The following EVL variants were observed in gnomAD, a reference collection of about 807,000 sequenced individuals.
The protein encoded by EVL is ena/VASP-like protein.
In EVL, 21 loss-of-function variants were observed where a neutral mutation model predicts 59.6. That is an observed-to-expected ratio of 0.35 (90% CI 0.25 to 0.51). The LOEUF is 0.51. Among genes scored for constraint, EVL ranks in the 20% least tolerant of loss-of-function variants. The probability of loss-of-function intolerance (pLI) is 0.97; values close to 1 mark genes in which losing one functional copy is unlikely to be tolerated. For missense variants in EVL, 462 were observed against 546.6 expected (o/e 0.85, Z 1.54); for synonymous variants, 198 against 203.5 (o/e 0.97, Z 0.23).
intron 1 of EVL, among the ~76,000 whole-genome samples, chr14:100,021,365 C>A (rs1415466397): frequency 6.6e-6 from 1 of 152,146 alleles, no homozygotes; most frequent in East Asian, 1.9e-4. Flanking sequence ...GGGTAGACCA[C>A]AAAGGGGAGG....
At chr14:100,067,442 T>C (rs143865543) in intron 1 of EVL, among the ~76,000 whole-genome samples, 35 of 152,348 alleles carry the variant, frequency 2.3e-4, no homozygotes, top group African/African-American at 6.5e-4. Flanking sequence ...TCACTGACGT[T>C]ATTTAGTTAT....
At chr14:100,116,980 C>G (rs1887387976) in intron 3 of EVL, among the ~76,000 whole-genome samples, 1 of 152,176 alleles carries the variant, frequency 6.6e-6, no homozygotes, top group Admixed American at 6.5e-5. Flanking sequence ...TCGTACAATC[C>G]AGAACCGTCC....
exon 1 of EVL, chr14:99,971,490 G>T (rs2060731032): frequency 6.6e-6 from 1 of 151,780 alleles, no homozygotes; most frequent in Non-Finnish European, 1.5e-5. Context: ...TGACCGCCGC[G>T]CGCGCTCATT....
chr14:99,985,221 T>C (rs2060832438), intron 1 of EVL, among the ~76,000 whole-genome samples: 1 of 152,008 alleles, frequency 6.6e-6, no homozygotes, highest in African/African-American at 2.4e-5. Flanking sequence ...TCAAGGAGTT[T>C]ATAGCCAAGA....
intron 1 of EVL, among the ~76,000 whole-genome samples, chr14:99,994,657 T>C (rs1043680614): frequency 1.3e-5 from 2 of 152,206 alleles, no homozygotes; most frequent in African/African-American, 4.8e-5. Flanking sequence ...GTTTTTAAAA[T>C]TCTATACTGT....
At chr14:100,141,674 C>A in intron 12 of EVL, 62 bp from the exon 13 acceptor site, 1 of 1,562,762 alleles carries the variant, frequency 6.4e-7, no homozygotes, top group Non-Finnish European at 8.8e-7. Flanking sequence ...CATGGCCCAG[C>A]CCAGGCCGGC....
At position 100,085,086 on chromosome 14, in the gene EVL, C is replaced by T. The variant is rs564548303; in HGVS notation, c.180+231C>T. On this transcript the variant is annotated intron_variant, in intron 2 of 13. Transcript: ENST00000392920. Reference sequence around the variant, plus strand: ...CCTATGTCATATGGAGACAGTAATCCGCACCCTGCCTATTTCACTGTGTTA... The same window carrying T: ...CCTATGTCATATGGAGACAGTAATCTGCACCCTGCCTATTTCACTGTGTTA... The T allele has an allele frequency of 1.7e-3, 735 of 436,814 alleles. 3 individuals are homozygous for T. The highest frequency in any genetic ancestry group is 1.5e-3 in the Non-Finnish European group (378 of 246,230). 27.1% of individuals were successfully genotyped at this position (436,814 alleles called of 1,614,324 possible).
intron 1 of EVL, chr14:99,977,084 T>C (rs1258525865): frequency 6.6e-6 from 1 of 152,254 alleles, no homozygotes; most frequent in Non-Finnish European, 1.5e-5. Flanking sequence ...TGGAGATTCA[T>C]GCTACCAGGT....
chr14:100,139,366 T>A (rs1328745180), intron 11 of EVL: 1 of 152,254 alleles, frequency 6.6e-6, no homozygotes, highest in Admixed American at 6.5e-5. Flanking sequence ...CCACCACCCC[T>A]CTGGTGCGTC....
chr14:100,120,646 G>C (rs1374457284), intron 3 of EVL, among the ~76,000 whole-genome samples: 6 of 152,196 alleles, frequency 3.9e-5, no homozygotes, highest in Admixed American at 1.3e-4. Flanking sequence ...AGGAAGCATG[G>C]TGGGGCCGGG....
At chr14:100,142,859 GA>G (rs1216342667) in intron 13 of EVL, among the ~76,000 whole-genome samples, 9 of 152,226 alleles carry the variant, frequency 5.9e-5, no homozygotes, top group Non-Finnish European at 1.3e-4. Flanking sequence ...AGCTGGGTCA[GA>G]AACCCAGGGC....
intron 1 of EVL, among the ~76,000 whole-genome samples, chr14:100,022,499 T>G (rs1444197309): frequency 6.6e-6 from 1 of 152,098 alleles, no homozygotes; most frequent in East Asian, 1.9e-4. Context: ...AGGCTGTTCT[T>G]GAACTCCTGA....
chr14:100,109,736 G>A lies in EVL; in HGVS notation c.358+12078G>A, dbSNP rs779049179. ...ATTGTCTCACACAGAAATCGCACCCGTCACCTTGGCCTACTTATCACCACC... is the reference window on the plus strand; with the variant it reads ...ATTGTCTCACACAGAAATCGCACCCATCACCTTGGCCTACTTATCACCACC... On this transcript the variant is annotated intron_variant, in intron 3 of 13. Coordinates refer to ENST00000392920, the MANE Select transcript of EVL (RefSeq NM_016337.3). The surrounding 1 kb of genome is among the most constrained non-coding windows in gnomAD (Gnocchi z 4.3). The A allele has an allele frequency of 9.5e-6, 5 of 528,214 alleles. No homozygotes were observed. The highest frequency in any genetic ancestry group is 3.9e-5 in the African/African-American group (2 of 51,916). The allele number at this position is 528,214 out of a possible 1,614,324, so 32.7% of individuals were successfully genotyped here. A position where few individuals can be genotyped will look rare whatever the true frequency, so the allele number is the denominator to read the frequency against.
rs935007229 is a variant in EVL at position 100,143,748 on chromosome 14, C to G, written c.*10C>G. 3.7e-6 allele frequency: 6 copies of G among 1,611,876 alleles called. No individual in the cohort carries two copies. Among genetic ancestry groups the G allele is most frequent in the Non-Finnish European group, 5.1e-6 (6 of 1,179,524 alleles). On this transcript the variant is annotated 3_prime_UTR_variant, in exon 14 of 14. Coordinates refer to ENST00000392920, the MANE Select transcript of EVL (RefSeq NM_016337.3). ...GATCAGCACCACGTAAGGGGCCGGC[C>G]TCGCTGCGCTGATTCGTCGAGCCCA...
At chr14:100,101,866 T>A (rs1334747058) in intron 3 of EVL, among the ~76,000 whole-genome samples, 1 of 152,036 alleles carries the variant, frequency 6.6e-6, no homozygotes, top group Non-Finnish European at 1.5e-5. Context: ...GAGGATGGAG[T>A]CTCGCTCTGT....
intron 1 of EVL, among the ~76,000 whole-genome samples, chr14:99,981,336 G>A (rs1193584052): frequency 6.6e-6 from 1 of 152,114 alleles, no homozygotes; most frequent in Non-Finnish European, 1.5e-5. Flanking sequence ...GGAGGCTGAG[G>A]CAGAAGAATT....
chr14:100,026,639 CTG>C (rs989157617), intron 1 of EVL, among the ~76,000 whole-genome samples: 7 of 152,166 alleles, frequency 4.6e-5, no homozygotes, highest in Admixed American at 3.3e-4. Context: ...CATCCCATCT[CTG>C]TGTAGTGCTT....
chr14:100,029,552 A>G (rs2061275074), intron 1 of EVL, among the ~76,000 whole-genome samples: 1 of 152,216 alleles, frequency 6.6e-6, no homozygotes, highest in South Asian at 2.1e-4. Context: ...AGATAATACT[A>G]ACATAGGAGA....
rs900275645 is a variant in EVL, at chr14:100,126,757, G to C, written c.473G>C (p.Arg158Thr). Residue 158 changes from arginine (R) to threonine (T), a missense_variant, in exon 5 of 14, where the codon AGA (arginine) becomes ACA (threonine). By Grantham distance (71) the Arg-to-Thr change is moderately conservative. Transcript: ENST00000392920. Reference sequence around the variant, plus strand: ...CAGCGTCAGGAATCTCTAGAAAGAAGAACCTCGGCCACAGGTGAGAGCCCT... The same window carrying C: ...CAGCGTCAGGAATCTCTAGAAAGAACAACCTCGGCCACAGGTGAGAGCCCT... ...QQQRQESLER[R>T]TSATGPILPP... 3 of 1,613,990 alleles carry C rather than the reference G, an allele frequency of 1.9e-6. No homozygotes were observed. Among genetic ancestry groups the C allele is most frequent in the East Asian group, 2.2e-5 (1 of 44,888 alleles).
Sources: allele counts gnomAD v4.1 joint callset (sites outside exome capture counted in the v4.1 genomes callset), GRCh38; gene constraint gnomAD v4.1.1; non-coding constraint Gnocchi (gnomAD v3.1); transcripts MANE v1.5; gene names NCBI Gene and HGNC (gene_info 2026-07-23, HGNC 2026-07-21).